Variants in CCSER2 observed in about 807,000 individuals in gnomAD.
CCSER2 encodes the protein serine-rich coiled-coil domain-containing protein 2.
In CCSER2, 46 loss-of-function variants were observed where a neutral mutation model predicts 92.3. That is an observed-to-expected ratio of 0.50 (90% CI 0.39 to 0.64). CCSER2 has a LOEUF of 0.64. CCSER2 is among the 30% of genes least tolerant of loss of function. The probability of loss-of-function intolerance (pLI) is 0.00; values close to 1 mark genes in which losing one functional copy is unlikely to be tolerated. For missense variants in CCSER2, 1,244 were observed against 1,238.9 expected, an observed-to-expected ratio of 1.00 and a Z score of -0.06; for synonymous variants, 433 against 431.4, an observed-to-expected ratio of 1.00 and a Z score of -0.04.
chr10:84,386,730 C>G (rs1037228242), intron 3 of CCSER2, among the ~76,000 whole-genome samples: 1 of 152,138 alleles, frequency 6.6e-6, no homozygotes, highest in Non-Finnish European at 1.5e-5. Context: ...GACTCTTTCT[C>G]CAGAAAACAA....
chr10:84,463,746 C>T (rs1846235385), intron 6 of CCSER2, among the ~76,000 whole-genome samples, 187 bp from the exon 7 acceptor site: 1 of 152,144 alleles, frequency 6.6e-6, no homozygotes, highest in African/African-American at 2.4e-5. Context: ...TTTCTTCTTC[C>T]ACATTTCCTT....
chr10:84,413,681 C>T (rs1470829731), intron 3 of CCSER2, among the ~76,000 whole-genome samples: 2 of 152,154 alleles, frequency 1.3e-5, no homozygotes, highest in African/African-American at 2.4e-5. Flanking sequence ...GAGCTGAGTT[C>T]AGATCCTGAA....
At chr10:84,503,755 G>T (rs1433590102) in intron 9 of CCSER2, among the ~76,000 whole-genome samples, 1 of 152,060 alleles carries the variant, frequency 6.6e-6, no homozygotes, top group Non-Finnish European at 1.5e-5. Context: ...CCTTCCATGT[G>T]CAGTGACTTA....
At chr10:84,420,737 TC>T (rs1347007288) in intron 4 of CCSER2, among the ~76,000 whole-genome samples, 1 of 151,890 alleles carries the variant, frequency 6.6e-6, no homozygotes, top group Non-Finnish European at 1.5e-5. Context: ...ATTGAGACCA[TC>T]CTGGCTAACA....
chr10:84,514,115 C>G lies in CCSER2; in HGVS notation c.2992C>G (p.Leu998Val), dbSNP rs1849512126. 2 of 1,536,130 alleles carry G rather than the reference C, an allele frequency of 1.3e-6. No individual in the cohort carries two copies. Among genetic ancestry groups the G allele is most frequent in the African/African-American group, 2.7e-5 (2 of 73,026 alleles). ...ACAAAAACAAACAAACAGCCCCCAA[C>G]TAGAGCCTCAAAGCTTCCAGGCCAA... is the stretch of plus-strand genomic sequence containing the variant. ...FKQKQTNSPQ[L>V]EPQSFQAKTS... Residue 998 changes from leucine (L) to valine (V), a missense_variant, in exon 10 of 10, where the codon CTA becomes GTA. Leu to Val is a conservative substitution (Grantham distance 32, BLOSUM62 1). Transcript: ENST00000372088.
intron 6 of CCSER2, chr10:84,452,196 G>C (rs1250558440): frequency 6.6e-6 from 1 of 152,162 alleles, no homozygotes; most frequent in Non-Finnish European, 1.5e-5. Context: ...GGATTTGTCA[G>C]TGCTGCTAAA....
At chr10:84,462,008 T>C (rs971179902) in intron 6 of CCSER2, among the ~76,000 whole-genome samples, 28 of 152,210 alleles carry the variant, frequency 1.8e-4, no homozygotes, top group Non-Finnish European at 3.2e-4. Flanking sequence ...TAATGCCAGC[T>C]CTGTTTTCAA....
At chr10:84,465,019 G>A (rs142241809) in intron 7 of CCSER2, among the ~76,000 whole-genome samples, 120 of 152,144 alleles carry the variant, frequency 7.9e-4, no homozygotes, top group African/African-American at 2.8e-3. Flanking sequence ...TTTTCAACTT[G>A]TTGACTACCT....
intron 3 of CCSER2, chr10:84,392,043 T>C (rs1378659221): frequency 1.0e-5 from 12 of 1,188,378 alleles, no homozygotes; most frequent in Non-Finnish European, 1.4e-5. Flanking sequence ...CTGTTTATGG[T>C]GTTTAATACA....
intron 6 of CCSER2, chr10:84,455,682 A>G (rs1002533534): frequency 1.4e-6 from 1 of 732,192 alleles, no homozygotes. Context: ...GTCATGGAGT[A>G]ACTCCTCCCA....
At chr10:84,330,767 A>G (rs1220361260) in intron 1 of CCSER2, among the ~76,000 whole-genome samples, 1 of 152,102 alleles carries the variant, frequency 6.6e-6, no homozygotes, top group African/African-American at 2.4e-5. Context: ...CGGCCTCCCA[A>G]AGTGCTGGGA....
intron 6 of CCSER2, among the ~76,000 whole-genome samples, chr10:84,453,725 T>C (rs1203000889): frequency 6.6e-6 from 1 of 152,238 alleles, no homozygotes; most frequent in Non-Finnish European, 1.5e-5. Flanking sequence ...CTTTTAATGC[T>C]GTCCATTTTT....
chr10:84,399,801 C>CTT (rs35557307), intron 3 of CCSER2, among the ~76,000 whole-genome samples: 72 of 133,302 alleles, frequency 5.4e-4, no homozygotes, highest in African/African-American at 9.6e-4. Context: ...CTTTTTTGGC[C>CTT]TTTTTTTTTT....
At chr10:84,340,364 T>A (rs993371660) in intron 1 of CCSER2, among the ~76,000 whole-genome samples, 2 of 152,192 alleles carry the variant, frequency 1.3e-5, no homozygotes, top group African/African-American at 2.4e-5. Flanking sequence ...CTCAATAAAT[T>A]TTTTGTTGAA....
Position 84,513,880 on chromosome 10 carries a change from C to G in CCSER2, c.2757C>G (p.Ser919=). 1 of 1,536,400 alleles carries G rather than the reference C, an allele frequency of 6.5e-7. No homozygotes were observed. Among genetic ancestry groups the G allele is most frequent in the Non-Finnish European group, 8.7e-7 (1 of 1,146,980 alleles). The change falls in exon 10 of 10, where the codon TCC becomes TCG. Residue 919 remains serine, a synonymous_variant. Coordinates refer to ENST00000372088, the MANE Select transcript of CCSER2 (RefSeq NM_001284240.2). The part of the protein sequence containing the change: ...PPVGYMSQPK[S]LQLLKPSILS... ...TGGGTTATATGTCTCAGCCCAAGTC[C>G]TTGCAGCTTTTAAAGCCATCCATAT...
chr10:84,383,843 A>T (rs1841047862), intron 3 of CCSER2, among the ~76,000 whole-genome samples: 1 of 152,246 alleles, frequency 6.6e-6, no homozygotes, highest in African/African-American at 2.4e-5. Context: ...ATGATCAATG[A>T]AATGAAAACT....
At chr10:84,511,910 T>G (rs1270659264) in intron 9 of CCSER2, among the ~76,000 whole-genome samples, 1 of 152,246 alleles carries the variant, frequency 6.6e-6, no homozygotes, top group African/African-American at 2.4e-5. Context: ...TCTGGGATAT[T>G]TAGCTTGAGG....
rs12220090 is a variant in CCSER2, at chr10:84,389,641, T to G, written c.1614+15826T>G. 309 of 187,452 alleles carry G rather than the reference T, an allele frequency of 1.6e-3. 6 individuals are homozygous for G. In the East Asian group the frequency reaches 0.047, roughly 29 times the overall value. The allele number at this position is 187,452 out of a possible 1,614,324, so 11.6% of individuals were successfully genotyped here. ...TCAGCAGCATGGTGGAGGCAGCTGG[T>G]GTTGGATGAACCTGGATTTGGTACA... On this transcript the variant is annotated intron_variant, in intron 3 of 9. Coordinates refer to ENST00000372088, the MANE Select transcript of CCSER2 (RefSeq NM_001284240.2).
chr10:84,466,994 GCCT>G (rs1472890636), intron 7 of CCSER2, among the ~76,000 whole-genome samples: 2 of 152,008 alleles, frequency 1.3e-5, no homozygotes, highest in African/African-American at 4.8e-5. Context: ...TCTTGAGTGC[GCCT>G]CCTCTACTTT....
Sources: allele counts gnomAD v4.1 joint callset (sites outside exome capture counted in the v4.1 genomes callset), GRCh38; gene constraint gnomAD v4.1.1; transcripts MANE v1.5; gene names NCBI Gene and HGNC (gene_info 2026-07-23, HGNC 2026-07-21).